The following ADGRA3 variants were observed in gnomAD, a reference collection of about 807,000 sequenced individuals.
The protein encoded by ADGRA3 is G-protein coupled receptor 125.
ADGRA3 carries 56 observed loss-of-function variants against 119.8 expected under a neutral mutation model. The observed-to-expected ratio is 0.47, with a 90% confidence interval of 0.38 to 0.58. The LOEUF is 0.58. Ranked by LOEUF, ADGRA3 falls within the 20% of genes least tolerant of loss-of-function variation. The pLI, the probability that ADGRA3 is intolerant of heterozygous loss-of-function variation, is 0.00. For missense variants in ADGRA3, 1,516 were observed against 1,649.0 expected (o/e 0.92, Z 1.40); for synonymous variants, 607 against 623.8 (o/e 0.97, Z 0.40).
chr4:22,432,130 C>A (rs1421014794), intron 10 of ADGRA3, among the ~76,000 whole-genome samples: 2 of 151,910 alleles, frequency 1.3e-5, no homozygotes, highest in Non-Finnish European at 1.5e-5. Flanking sequence ...AAGTTAAAAC[C>A]CCCCACCTAA....
chr4:22,442,507 G>A (rs1451905021), intron 7 of ADGRA3, 143 bp downstream of exon 7: 7 of 532,712 alleles, frequency 1.3e-5, no homozygotes. Context: ...ATAAGAACCA[G>A]GAAAAGGAAA....
chr4:22,476,429 A>T (rs947225774), intron 1 of ADGRA3, among the ~76,000 whole-genome samples: 1 of 152,180 alleles, frequency 6.6e-6, no homozygotes, highest in East Asian at 1.9e-4. Context: ...ATTATAATAC[A>T]TCCAAACAAC....
chr4:22,392,902 C>A, intron 16 of ADGRA3: 1 of 486,680 alleles, frequency 2.1e-6, no homozygotes, highest in East Asian at 3.3e-5. Flanking sequence ...ACAATTGGCT[C>A]TAGGAAGCCC....
At chr4:22,513,436 A>T (rs1036446516) in intron 1 of ADGRA3, among the ~76,000 whole-genome samples, 4 of 151,516 alleles carry the variant, frequency 2.6e-5, no homozygotes. Context: ...GATTACAGGC[A>T]TGAGCCACCA....
chr4:22,466,707 C>T (rs921847310), intron 2 of ADGRA3, among the ~76,000 whole-genome samples: 8 of 149,004 alleles, frequency 5.4e-5, no homozygotes, highest in African/African-American at 1.5e-4. Context: ...ATCAAGACTC[C>T]GTCTCAAAAA....
intron 10 of ADGRA3, among the ~76,000 whole-genome samples, chr4:22,431,835 A>C (rs1716183267): frequency 6.6e-6 from 1 of 152,174 alleles, no homozygotes; most frequent in Non-Finnish European, 1.5e-5. Flanking sequence ...TCAATGTTTA[A>C]TATTAGAAAT....
chr4:22,405,588 G>T (rs1436641092), intron 14 of ADGRA3, among the ~76,000 whole-genome samples: 1 of 150,824 alleles, frequency 6.6e-6, no homozygotes, highest in Non-Finnish European at 1.5e-5. Context: ...AAAGGAAACT[G>T]CTATTTTTCA....
chr4:22,389,132 T>A lies in ADGRA3; in HGVS notation c.2679A>T (p.Ala893=). The A allele has an allele frequency of 1.2e-6, 2 of 1,614,060 alleles. No individual in the cohort carries two copies. The highest frequency in any genetic ancestry group is 1.7e-6 in the Non-Finnish European group (2 of 1,179,914). Residue 893 remains alanine (A), a synonymous_variant, in exon 18 of 19, where the codon GCA becomes GCT. Coordinates refer to ENST00000334304, the MANE Select transcript of ADGRA3 (RefSeq NM_145290.4). The part of the protein sequence containing the change: ...GIPIIVCGIT[A]AANIKNYGSR... ...TGCCGTAATTCTTAATGTTCGCTGCTGCAGTTATGCCGCAAACAATGATGG... is the reference window on the plus strand; with the variant it reads ...TGCCGTAATTCTTAATGTTCGCTGCAGCAGTTATGCCGCAAACAATGATGG...
At chr4:22,457,195 G>C (rs1276337113) in intron 3 of ADGRA3, among the ~76,000 whole-genome samples, 1 of 152,168 alleles carries the variant, frequency 6.6e-6, no homozygotes, top group Non-Finnish European at 1.5e-5. Flanking sequence ...TAAAACAAGA[G>C]AAACTGATGG....
At position 22,420,929 on chromosome 4, in the gene ADGRA3, A is replaced by C; in HGVS notation, c.1766T>G (p.Phe589Cys). 6.2e-7 allele frequency: 1 copy of C among 1,614,144 alleles called. No homozygotes were observed. The highest frequency in any genetic ancestry group is 8.5e-7 in the Non-Finnish European group (1 of 1,179,998). ...AAATGTATTTGAAACATTGCACTTA[A>C]AGCTCAGCTGCTTATCCAGGTTTCC... ...PEGNLDKQLS[F>C]KCNVSNTFSS... Residue 589 changes from phenylalanine to cysteine, a missense_variant, in exon 12 of 19, where the codon TTT (phenylalanine) becomes TGT (cysteine). Phe to Cys is a radical substitution (Grantham distance 205). Transcript: ENST00000334304.
intron 1 of ADGRA3, among the ~76,000 whole-genome samples, chr4:22,490,665 T>A (rs1718591184): frequency 6.6e-6 from 1 of 152,194 alleles, no homozygotes; most frequent in Admixed American, 6.5e-5. Flanking sequence ...AGAATTTCAA[T>A]GTTGCTGAAA....
In ADGRA3 at chr4:22,413,087, A is replaced by AAC. The variant is rs1553873727; in HGVS notation, c.2232+94_2232+95insGT. On this transcript the variant is annotated intron_variant, in intron 14 of 18. Transcript: ENST00000334304. ...ATTATGTTAAAAGTAAAAAAAAAAA[A>AAC]AAAACAAAAAACAAAAAAACACTTC... 1.1e-4 allele frequency: 104 copies of AAC among 963,158 alleles called. No homozygotes were observed. The South Asian group carries it at 1.2e-3, about 11-fold the overall frequency. The allele number at this position is 963,158 out of a possible 1,614,324, so 59.7% of individuals were successfully genotyped here. A position where few individuals can be genotyped will look rare whatever the true frequency, so the allele number is the denominator to read the frequency against.
Position 22,421,018 on chromosome 4 carries a change from C to A in ADGRA3, c.1677G>T (p.Val559=). 1.9e-6 allele frequency: 3 copies of A among 1,614,076 alleles called. No homozygotes were observed. The highest frequency in any genetic ancestry group is 2.5e-6 in the Non-Finnish European group (3 of 1,179,964). ...STGFTGMTCT[V]FQKVAASDRT... ...GATCAGAGGCTGCCACTTTCTGGAA[C>A]ACGGTACAGGTCATCCCCGTGAAGC... is the stretch of plus-strand genomic sequence containing the variant. The change falls in exon 12 of 19, where the codon GTG becomes GTT. Residue 559 remains valine (V), a synonymous_variant. Transcript: ENST00000334304.
intron 1 of ADGRA3, among the ~76,000 whole-genome samples, chr4:22,505,464 T>G (rs753506649): frequency 7.9e-5 from 12 of 151,872 alleles, no homozygotes; most frequent in African/African-American, 2.7e-4. Flanking sequence ...CTGGCCAAGA[T>G]GATGAAACCA....
intron 1 of ADGRA3, among the ~76,000 whole-genome samples, chr4:22,511,604 T>C (rs1208452572): frequency 2.0e-5 from 3 of 152,130 alleles, no homozygotes; most frequent in Non-Finnish European, 2.9e-5. Context: ...CAGTTAATTT[T>C]CCTCTCTGTG....
At chr4:22,463,339 A>G (rs930832715) in intron 2 of ADGRA3, among the ~76,000 whole-genome samples, 1 of 152,220 alleles carries the variant, frequency 6.6e-6, no homozygotes, top group Admixed American at 6.5e-5. Flanking sequence ...CTTGAAATGT[A>G]CAAGACCTTC....
At chr4:22,497,759 C>CAAA (rs67569148) in intron 1 of ADGRA3, among the ~76,000 whole-genome samples, 16 of 71,374 alleles carry the variant, frequency 2.2e-4, no homozygotes, top group Admixed American at 3.5e-4. Flanking sequence ...ATTGCTGTCT[C>CAAA]AAAAAAAAAA....
chr4:22,387,666 A>C lies in ADGRA3; in HGVS notation c.*39T>G. 1 of 1,550,216 alleles carries C rather than the reference A, an allele frequency of 6.5e-7. No homozygotes were observed. Among genetic ancestry groups the C allele is most frequent in the Non-Finnish European group, 8.7e-7 (1 of 1,146,504 alleles). ...CATAGCTTCAAGGAATGTGAGTATCACAGTTTATATGAATTTCTGCCTAGG... is the reference window on the plus strand; with the variant it reads ...CATAGCTTCAAGGAATGTGAGTATCCCAGTTTATATGAATTTCTGCCTAGG... On this transcript the variant is annotated 3_prime_UTR_variant, in exon 19 of 19. Coordinates refer to ENST00000334304, the MANE Select transcript of ADGRA3 (RefSeq NM_145290.4).
intron 1 of ADGRA3, among the ~76,000 whole-genome samples, chr4:22,512,721 C>T (rs1560355443): frequency 1.3e-5 from 2 of 152,180 alleles, no homozygotes; most frequent in South Asian, 2.1e-4. Context: ...AGCATGAATT[C>T]TTCCTAAAGT....
Sources: allele counts gnomAD v4.1 joint callset (sites outside exome capture counted in the v4.1 genomes callset), GRCh38; gene constraint gnomAD v4.1.1; transcripts MANE v1.5; gene names NCBI Gene and HGNC (gene_info 2026-07-23, HGNC 2026-07-21).